Variants in HEMK2 observed in about 807,000 individuals in gnomAD.
HEMK2 encodes HemK methyltransferase 2, ETF1 glutamine and histone H4 lysine.
chr21:28,688,669 G>T, the HEMK2 span, among the ~76,000 whole-genome samples: 1 of 152,026 alleles, frequency 6.6e-6, no homozygotes, highest in Non-Finnish European at 1.5e-5. Flanking sequence ...GCTGAGAGAA[G>T]AATTCAGATA....
chr21:28,624,373 G>A, the HEMK2 span, among the ~76,000 whole-genome samples: 8 of 152,200 alleles, frequency 5.3e-5, no homozygotes, highest in East Asian at 1.5e-3. Flanking sequence ...ACAGTTCTAA[G>A]TCAATCACTT....
the HEMK2 span, among the ~76,000 whole-genome samples, chr21:28,617,225 T>C: frequency 1.3e-5 from 2 of 152,130 alleles, no homozygotes; most frequent in African/African-American, 4.8e-5. Context: ...GCACAGCCAA[T>C]GCCAAGGCCC....
At chr21:28,619,599 A>T in the HEMK2 span, among the ~76,000 whole-genome samples, 1 of 152,174 alleles carries the variant, frequency 6.6e-6, no homozygotes, top group Non-Finnish European at 1.5e-5. Flanking sequence ...CTACCATTAA[A>T]ATCTTCATTT....
the HEMK2 span, among the ~76,000 whole-genome samples, chr21:28,762,170 G>T: frequency 6.6e-6 from 1 of 152,184 alleles, no homozygotes; most frequent in Admixed American, 6.6e-5. Flanking sequence ...CCTGGGTGTT[G>T]ACTCCTGGAG....
At chr21:28,663,804 A>T in the HEMK2 span, among the ~76,000 whole-genome samples, 1 of 152,206 alleles carries the variant, frequency 6.6e-6, no homozygotes, top group Non-Finnish European at 1.5e-5. Context: ...TGGAGGAAAT[A>T]AATTGTATAA....
At chr21:28,763,089 T>C in the HEMK2 span, among the ~76,000 whole-genome samples, 1 of 152,134 alleles carries the variant, frequency 6.6e-6, no homozygotes, top group South Asian at 2.1e-4. Flanking sequence ...CACACAAACC[T>C]GCTTCAGCCC....
the HEMK2 span, among the ~76,000 whole-genome samples, chr21:28,871,592 G>A: frequency 3.3e-5 from 5 of 152,140 alleles, no homozygotes; most frequent in African/African-American, 9.7e-5. Context: ...TGTACTCAGC[G>A]TATTAATTTC....
the HEMK2 span, among the ~76,000 whole-genome samples, chr21:28,676,576 C>T: frequency 6.6e-6 from 1 of 152,110 alleles, no homozygotes; most frequent in Non-Finnish European, 1.5e-5. Flanking sequence ...AGAGAAACTC[C>T]AACTGGCCTG....
At chr21:28,680,997 AG>A in the HEMK2 span, among the ~76,000 whole-genome samples, 1 of 152,200 alleles carries the variant, frequency 6.6e-6, no homozygotes, top group African/African-American at 2.4e-5. Context: ...GGCACAAGAC[AG>A]GGATGCCCTC....
At chr21:28,838,582 C>T in the HEMK2 span, among the ~76,000 whole-genome samples, 1 of 149,706 alleles carries the variant, frequency 6.7e-6, no homozygotes, top group Non-Finnish European at 1.5e-5. Flanking sequence ...GACCAACATC[C>T]TTGATGAACA....
chr21:28,878,599 A>G, the HEMK2 span, among the ~76,000 whole-genome samples: 1 of 148,850 alleles, frequency 6.7e-6, no homozygotes, highest in East Asian at 1.9e-4. Context: ...GAAAAATAAT[A>G]AGTGGATAAA....
At chr21:28,619,103 G>C in the HEMK2 span, among the ~76,000 whole-genome samples, 34 of 152,262 alleles carry the variant, frequency 2.2e-4, no homozygotes, top group South Asian at 4.1e-4. Flanking sequence ...TGAAGACACA[G>C]GGAGAAGACG....
the HEMK2 span, among the ~76,000 whole-genome samples, chr21:28,775,721 T>C: frequency 6.6e-6 from 1 of 152,202 alleles, no homozygotes; most frequent in African/African-American, 2.4e-5. Context: ...AAGGTCATTG[T>C]TGACAATAAC....
chr21:28,729,440 C>T, the HEMK2 span, among the ~76,000 whole-genome samples: 2 of 152,146 alleles, frequency 1.3e-5, no homozygotes, highest in East Asian at 3.9e-4. Context: ...CTAGAAAGAG[C>T]GTGGGCATTT....
At chr21:28,841,263 ATATATAT>A in the HEMK2 span, among the ~76,000 whole-genome samples, 1 of 8,474 alleles carries the variant, frequency 1.2e-4, no homozygotes, top group Non-Finnish European at 1.6e-4. Flanking sequence ...ATTATATATA[ATATATAT>A]TATATATTAT....
At chr21:28,838,965 AAAAAAAAATATATAT>A in the HEMK2 span, among the ~76,000 whole-genome samples, 1 of 66,282 alleles carries the variant, frequency 1.5e-5, no homozygotes, top group Non-Finnish European at 2.7e-5. Context: ...AAAAAAAAAA[AAAAAAAAATATATAT>A]ATATATATAT....
At chr21:28,830,347 T>A in the HEMK2 span, among the ~76,000 whole-genome samples, 1 of 151,812 alleles carries the variant, frequency 6.6e-6, no homozygotes, top group Admixed American at 6.6e-5. Flanking sequence ...GTGTGGCACT[T>A]CCCCCCCTTC....
At chr21:28,697,797 A>AAAAAAAAG in the HEMK2 span, among the ~76,000 whole-genome samples, 3 of 151,844 alleles carry the variant, frequency 2.0e-5, no homozygotes, top group Admixed American at 2.0e-4. Context: ...AAAAAAAAAA[A>AAAAAAAAG]AATCTTTTCT....
chr21:28,753,586 C>T, the HEMK2 span, among the ~76,000 whole-genome samples: 29,399 of 151,982 alleles, frequency 0.19, 3,555 homozygotes, highest in African/African-American at 0.34. Context: ...ATGCCCAGTA[C>T]ATCATAAATC....
Sources: gnomAD v4.1 joint callset for allele counts (sites outside exome capture counted in the v4.1 genomes callset) on GRCh38, gnomAD v4.1.1 for gene constraint, MANE v1.5 for transcripts, NCBI Gene and HGNC (gene_info 2026-07-23, HGNC 2026-07-21) for gene names.